Variants in EML1 observed in about 807,000 individuals in gnomAD.
EML1 encodes the protein echinoderm microtubule-associated protein-like 1.
Under a neutral mutation model 110.4 loss-of-function variants are expected in EML1, and 27 were observed. The ratio of observed to expected loss-of-function variants is 0.24; its 90% CI spans 0.18 to 0.34. The LOEUF (loss-of-function observed/expected upper bound fraction) is 0.34, where lower values mean the gene tolerates loss of function less well. EML1 is among the 10% of genes least tolerant of loss of function. EML1 has a pLI of 1.00. For synonymous variants in EML1, 344 were observed against 385.8 expected (o/e 0.89, Z 1.27); for missense variants, 741 against 1,030.9 (o/e 0.72, Z 3.85).
intron 1 of EML1, among the ~76,000 whole-genome samples, chr14:99,814,201 T>G (rs1181735211): frequency 6.6e-6 from 1 of 152,238 alleles, no homozygotes; most frequent in Non-Finnish European, 1.5e-5. Flanking sequence ...GATTCAGGAC[T>G]AGATTTCATC....
At chr14:99,885,640 A>G in intron 4 of EML1, among the ~76,000 whole-genome samples, 1 of 152,188 alleles carries the variant, frequency 6.6e-6, no homozygotes, top group East Asian at 1.9e-4. Context: ...TCTTCAAGCC[A>G]TGGGGTCATT....
At chr14:99,823,829 C>T (rs575065515) in intron 1 of EML1, among the ~76,000 whole-genome samples, 1 of 152,262 alleles carries the variant, frequency 6.6e-6, no homozygotes, top group African/African-American at 2.4e-5. Flanking sequence ...TGGTATCTCT[C>T]TACTTAAACT....
intron 1 of EML1, among the ~76,000 whole-genome samples, chr14:99,766,490 G>A (rs1389079631): frequency 2.0e-5 from 3 of 152,020 alleles, no homozygotes; most frequent in Admixed American, 6.6e-5. Flanking sequence ...CACCATGTCC[G>A]GCCTAATTTT....
chr14:99,884,074 G>A (rs1485835271), intron 4 of EML1, among the ~76,000 whole-genome samples: 1 of 152,222 alleles, frequency 6.6e-6, no homozygotes, highest in Non-Finnish European at 1.5e-5. Flanking sequence ...CTCAGTAGCA[G>A]TAAAAGTGGT....
At chr14:99,858,050 C>T (rs1566901876) in intron 2 of EML1, among the ~76,000 whole-genome samples, 1 of 152,216 alleles carries the variant, frequency 6.6e-6, no homozygotes. Context: ...AGTGTTTTAA[C>T]TCTGCTGCAG....
At chr14:99,835,298 C>T (rs896889260) in intron 1 of EML1, among the ~76,000 whole-genome samples, 16 of 151,996 alleles carry the variant, frequency 1.1e-4, no homozygotes, top group Non-Finnish European at 1.8e-4. Context: ...TGATATCTAT[C>T]GATCTGTAGT....
At chr14:99,916,297 TGGTAAA>T in intron 15 of EML1, among the ~76,000 whole-genome samples, 2 of 152,360 alleles carry the variant, frequency 1.3e-5, no homozygotes, top group South Asian at 4.1e-4. Flanking sequence ...GCTTTGTAAA[TGGTAAA>T]GCTTCAAGTG....
At chr14:99,873,187 A>G (rs2059233846) in intron 3 of EML1, among the ~76,000 whole-genome samples, 1 of 152,258 alleles carries the variant, frequency 6.6e-6, no homozygotes, top group African/African-American at 2.4e-5. Flanking sequence ...TCATAAGTAG[A>G]GCATGACAAT....
At chr14:99,767,256 A>T (rs1420772804) in intron 1 of EML1, among the ~76,000 whole-genome samples, 1 of 152,268 alleles carries the variant, frequency 6.6e-6, no homozygotes, top group African/African-American at 2.4e-5. Context: ...AGCACTTGCT[A>T]GTCATTGACT....
intron 1 of EML1, among the ~76,000 whole-genome samples, chr14:99,805,899 A>G (rs2057964067): frequency 6.6e-6 from 1 of 152,134 alleles, no homozygotes; most frequent in Non-Finnish European, 1.5e-5. Context: ...TTGTGCAGCC[A>G]TCACTGCCAT....
chr14:99,793,724 G>C (rs1247741180), intron 1 of EML1, among the ~76,000 whole-genome samples, 181 bp downstream of exon 1: 4 of 146,578 alleles, frequency 2.7e-5, no homozygotes, highest in African/African-American at 4.9e-5. Context: ...TTGGAGCCGC[G>C]GGGCCGCGCC....
rs936667614 is a variant in EML1 at position 99,878,722 on chromosome 14, G to A, written c.518+103G>A. Reference sequence around the variant, plus strand: ...CCCCTCATATTCCAACAAGCTGGGAGTACTCTTGGAGAAGAAGACCTTCTC... The same window carrying A: ...CCCCTCATATTCCAACAAGCTGGGAATACTCTTGGAGAAGAAGACCTTCTC... On this transcript the variant is annotated intron_variant, in intron 4 of 21. Transcript: ENST00000262233. The A allele has an allele frequency of 2.4e-5, 36 of 1,473,978 alleles. 1 individual carries two copies. The Middle Eastern group carries it at 1.4e-3, about 56-fold the overall frequency. 91.3% of individuals were successfully genotyped at this position (1,473,978 alleles called of 1,614,324 possible).
At chr14:99,892,227 C>G in intron 5 of EML1, 1 of 983,982 alleles carries the variant, frequency 1.0e-6, no homozygotes, top group Middle Eastern at 5.2e-4. Context: ...TCATAGCTCT[C>G]TGAGCAAAGC....
upstream of EML1, among the ~76,000 whole-genome samples, chr14:99,771,169 T>C (rs2057424538): frequency 6.6e-6 from 1 of 152,148 alleles, no homozygotes; most frequent in African/African-American, 2.4e-5. Context: ...GTCTTACCTT[T>C]TTATTTATTA....
At chr14:99,853,155 T>A (rs1306417460) in intron 2 of EML1, among the ~76,000 whole-genome samples, 1 of 152,216 alleles carries the variant, frequency 6.6e-6, no homozygotes, top group Non-Finnish European at 1.5e-5. Flanking sequence ...GAAAAATAAA[T>A]GTTTTCATAG....
chr14:99,914,782 G>A, intron 15 of EML1, 85 bp downstream of exon 15: 8 of 1,487,290 alleles, frequency 5.4e-6, no homozygotes, highest in Non-Finnish European at 7.1e-6. Flanking sequence ...AATCAACAGT[G>A]ATACAAAGTT....
At chr14:99,850,764 G>A in intron 1 of EML1, 89 bp from the exon 2 acceptor site, 1 of 1,398,620 alleles carries the variant, frequency 7.1e-7, no homozygotes, top group Non-Finnish European at 9.8e-7. Context: ...TAAAACAATG[G>A]GCTTAAAACA....
intron 1 of EML1, 107 bp downstream of exon 1, chr14:99,793,650 C>A: frequency 1.2e-6 from 1 of 860,548 alleles, no homozygotes; most frequent in Non-Finnish European, 1.4e-6. Flanking sequence ...CGGCCGCGGG[C>A]GAGGCCGCGC....
At chr14:99,835,233 T>C (rs2058520656) in intron 1 of EML1, among the ~76,000 whole-genome samples, 1 of 152,228 alleles carries the variant, frequency 6.6e-6, no homozygotes, top group African/African-American at 2.4e-5. Flanking sequence ...GTATATTTTA[T>C]CTAAGTTACT....
Sources: allele counts gnomAD v4.1 joint callset (sites outside exome capture counted in the v4.1 genomes callset), GRCh38; gene constraint gnomAD v4.1.1; transcripts MANE v1.5; gene names NCBI Gene and HGNC (gene_info 2026-07-23, HGNC 2026-07-21).